Variants in GPR141 observed in about 807,000 individuals in gnomAD.
GPR141 encodes probable G protein-coupled receptor 141.
A neutral mutation model predicts 6.8 loss-of-function variants in GPR141; 6 were observed. The observed-to-expected ratio is 0.88, with a 90% confidence interval of 0.48 to 1.74. The LOEUF (loss-of-function observed/expected upper bound fraction) is 1.74. Among genes scored for constraint, GPR141 ranks in the 40% most tolerant of loss-of-function variants. The probability of loss-of-function intolerance (pLI) is 0.01; values close to 1 mark genes in which losing one functional copy is unlikely to be tolerated. For synonymous variants in GPR141, 140 were observed against 142.3 expected (o/e 0.98, Z 0.11); for missense variants, 372 against 372.9 (o/e 1.00, Z 0.02).
chr7:37,718,413 G>A (rs1811145923), intron 2 of GPR141, among the ~76,000 whole-genome samples: 1 of 152,024 alleles, frequency 6.6e-6, no homozygotes, highest in African/African-American at 2.4e-5. Context: ...CTACTTGAGA[G>A]GCTGTGACAG....
rs1163240226 is a variant in GPR141 at position 37,742,115 on chromosome 7, A to G, written c.*804A>G. Among the ~76,000 whole-genome samples, 1 of 152,288 alleles carries G rather than the reference A, an allele frequency of 6.6e-6. No homozygotes were observed. The highest frequency in any genetic ancestry group is 1.9e-4 in the East Asian group (1 of 5,188). ...TTAAAATGAGTTCCCAAGGGAAGTG[A>G]TTAAAATTTTTTTCTCTTCTGTTTT... On this transcript the variant is annotated 3_prime_UTR_variant, in exon 3 of 3. Transcript: ENST00000334425.
At chr7:37,718,775 C>T (rs567134569) in intron 2 of GPR141, among the ~76,000 whole-genome samples, 1 of 152,202 alleles carries the variant, frequency 6.6e-6, no homozygotes, top group Non-Finnish European at 1.5e-5. Context: ...TTAACAATTG[C>T]TCTTCTGAGA....
intron 2 of GPR141, among the ~76,000 whole-genome samples, chr7:37,728,518 T>G (rs752919617): frequency 6.6e-6 from 1 of 152,066 alleles, no homozygotes; most frequent in Non-Finnish European, 1.5e-5. Flanking sequence ...GGACTCTCAT[T>G]TTGTAGGCTG....
At chr7:37,697,463 T>C (rs966172088) in intron 2 of GPR141, among the ~76,000 whole-genome samples, 23 of 152,138 alleles carry the variant, frequency 1.5e-4, no homozygotes, top group African/African-American at 5.6e-4. Context: ...AATGGAAAAA[T>C]CAAGGCTCAA....
intron 2 of GPR141, among the ~76,000 whole-genome samples, chr7:37,726,987 C>T (rs954424912): frequency 2.0e-5 from 3 of 152,044 alleles, no homozygotes; most frequent in Admixed American, 1.3e-4. Context: ...AAATGGAGTT[C>T]GTATTACTAG....
In GPR141 at chr7:37,741,059, G is replaced by A. The variant is rs1158816682; in HGVS notation, c.666G>A (p.Trp222Ter). 6.2e-7 allele frequency: 1 copy of A among 1,613,940 alleles called. No individual in the cohort carries two copies. The highest frequency in any genetic ancestry group is 1.3e-5 in the African/African-American group (1 of 74,886). ...CTTTACTATCCCACCAGGAGTTCTG[G>A]GCTCAGCTGAAAAACCTATTTTTTA... ...RHSLLSHQEFWAQLKNLFFIG... is the reference protein window; with the variant it reads ...RHSLLSHQEF The change falls in exon 3 of 3, where the codon TGG (tryptophan) becomes TGA (stop). Residue 222 changes from tryptophan to a stop codon, truncating the protein, a stop_gained. Transcript: ENST00000334425. LOFTEE classifies it high-confidence loss of function.
chr7:37,712,704 G>A (rs552307038), intron 2 of GPR141, among the ~76,000 whole-genome samples: 3 of 152,304 alleles, frequency 2.0e-5, no homozygotes, highest in Non-Finnish European at 4.4e-5. Context: ...TGCCTCTGAA[G>A]AACATTGTGT....
chr7:37,721,859 G>T (rs1439976209), intron 2 of GPR141, among the ~76,000 whole-genome samples: 2 of 152,144 alleles, frequency 1.3e-5, no homozygotes, highest in South Asian at 4.1e-4. Context: ...GTTACTTGAA[G>T]GATATATTTT....
At chr7:37,720,018 G>A (rs375274721) in intron 2 of GPR141, among the ~76,000 whole-genome samples, 136 of 152,316 alleles carry the variant, frequency 8.9e-4, no homozygotes, top group African/African-American at 3.1e-3. Context: ...GCCTCTGAAG[G>A]GGTGACCAGT....
chr7:37,727,660 T>C (rs1811699190), intron 2 of GPR141, among the ~76,000 whole-genome samples: 1 of 152,194 alleles, frequency 6.6e-6, no homozygotes, highest in African/African-American at 2.4e-5. Flanking sequence ...ACCTGAAGCA[T>C]GTACTTTTCT....
chr7:37,700,400 A>C (rs1408177346), intron 2 of GPR141, among the ~76,000 whole-genome samples: 1 of 152,198 alleles, frequency 6.6e-6, no homozygotes, highest in Non-Finnish European at 1.5e-5. Context: ...AGCATAGCAT[A>C]ATAACCCCAC....
intron 2 of GPR141, among the ~76,000 whole-genome samples, chr7:37,700,244 G>T (rs1247919626): frequency 6.6e-6 from 1 of 152,228 alleles, no homozygotes. Flanking sequence ...TTAGTGCAGA[G>T]TGTATTTTGT....
chr7:37,703,195 C>T (rs1810370488), intron 2 of GPR141, among the ~76,000 whole-genome samples: 3 of 152,142 alleles, frequency 2.0e-5, no homozygotes, highest in South Asian at 2.1e-4. Flanking sequence ...AGATAGTAGT[C>T]GACTGTCTTC....
chr7:37,729,437 G>A (rs1811803995), intron 2 of GPR141, among the ~76,000 whole-genome samples: 1 of 152,062 alleles, frequency 6.6e-6, no homozygotes, highest in South Asian at 2.1e-4. Flanking sequence ...ATCCAAATGT[G>A]GCCATATCCA....
chr7:37,707,846 A>G (rs939337810), intron 2 of GPR141, among the ~76,000 whole-genome samples: 17 of 152,152 alleles, frequency 1.1e-4, no homozygotes, highest in Admixed American at 2.6e-4. Flanking sequence ...ACAAGGAAAT[A>G]CCAGCTAGAG....
chr7:37,721,597 A>G (rs776611484), intron 2 of GPR141, among the ~76,000 whole-genome samples: 1 of 152,192 alleles, frequency 6.6e-6, no homozygotes. Context: ...TGAAATGCCC[A>G]TTAGAAACAT....
chr7:37,695,738 T>G (rs1434587810), intron 2 of GPR141, among the ~76,000 whole-genome samples: 4 of 152,244 alleles, frequency 2.6e-5, no homozygotes, highest in African/African-American at 9.6e-5. Flanking sequence ...TGAGGACATG[T>G]GCTAGGGGCT....
In GPR141 at chr7:37,715,751, AG is replaced by A. The variant is rs1264976291; in HGVS notation, c.-14-24627del. ...AGATCCCTAGAAGACTGTGGCCAGCAGGTATTAGCGTCAGGAGGTGAGTATT... is the reference window on the plus strand; with the variant it reads ...AGATCCCTAGAAGACTGTGGCCAGCAGTATTAGCGTCAGGAGGTGAGTATT... On this transcript the variant is annotated intron_variant, in intron 2 of 2. Transcript: ENST00000334425. 2.0e-5 allele frequency among the ~76,000 whole-genome samples: 3 copies of A among 152,182 alleles called. No homozygotes were observed. In the East Asian group the frequency reaches 5.8e-4, roughly 29 times the overall value.
chr7:37,735,531 C>G (rs1239592209), intron 2 of GPR141, among the ~76,000 whole-genome samples: 2 of 152,168 alleles, frequency 1.3e-5, no homozygotes, highest in Non-Finnish European at 2.9e-5. Flanking sequence ...CAGAAGTACA[C>G]TAAGCCTTAC....
Sources: gnomAD v4.1 joint callset for allele counts (sites outside exome capture counted in the v4.1 genomes callset) on GRCh38, gnomAD v4.1.1 for gene constraint, MANE v1.5 for transcripts, NCBI Gene and HGNC (gene_info 2026-07-23, HGNC 2026-07-21) for gene names.